The following DAAM1 variants were observed in gnomAD, a reference collection of about 807,000 sequenced individuals.
DAAM1 encodes the protein disheveled-associated activator of morphogenesis 1.
In DAAM1, 52 loss-of-function variants were observed where a neutral mutation model predicts 130.0. That is an observed-to-expected ratio of 0.40 (90% confidence interval 0.32 to 0.50). The LOEUF is 0.50. Among genes scored for constraint, DAAM1 ranks in the 20% least tolerant of loss-of-function variants. The pLI is 0.61. For synonymous variants in DAAM1, 452 were observed against 444.5 expected (o/e 1.02, Z -0.21); for missense variants, 1,134 against 1,303.8 (o/e 0.87, Z 2.01).
At chr14:59,279,665 T>G (rs1883124420) in intron 2 of DAAM1, among the ~76,000 whole-genome samples, 2 of 152,188 alleles carry the variant, frequency 1.3e-5, no homozygotes, top group South Asian at 2.1e-4. Flanking sequence ...ATACAATTTT[T>G]TTTTACCTGT....
chr14:59,245,871 T>C (rs769996791), intron 1 of DAAM1, among the ~76,000 whole-genome samples: 1 of 152,166 alleles, frequency 6.6e-6, no homozygotes, highest in African/African-American at 2.4e-5. Flanking sequence ...AAGTGGAAAA[T>C]TGCAGAAATG....
intron 23 of DAAM1, among the ~76,000 whole-genome samples, chr14:59,364,675 C>G (rs1594853847): frequency 6.6e-6 from 1 of 152,192 alleles, no homozygotes; most frequent in Admixed American, 6.5e-5. Context: ...TTATTTTTCT[C>G]TGGTCACCTG....
chr14:59,227,641 C>T (rs1439464901), intron 1 of DAAM1, among the ~76,000 whole-genome samples: 1 of 152,162 alleles, frequency 6.6e-6, no homozygotes, highest in Non-Finnish European at 1.5e-5. Context: ...CGTGCTTGTT[C>T]CACTTTTTCC....
At chr14:59,242,962 C>T (rs1232715324) in intron 1 of DAAM1, among the ~76,000 whole-genome samples, 5 of 152,194 alleles carry the variant, frequency 3.3e-5, no homozygotes, top group East Asian at 1.9e-4. Context: ...GATGAAAGAA[C>T]GAATCCTTGA....
intron 20 of DAAM1, among the ~76,000 whole-genome samples, chr14:59,357,764 C>T (rs1264510486): frequency 6.6e-6 from 1 of 150,466 alleles, no homozygotes; most frequent in African/African-American, 2.5e-5. Context: ...GGTGACAGAG[C>T]GAGACTCCAT....
intron 1 of DAAM1, among the ~76,000 whole-genome samples, chr14:59,200,978 G>A (rs1888082497): frequency 1.3e-5 from 2 of 151,908 alleles, no homozygotes; most frequent in African/African-American, 2.4e-5. Flanking sequence ...TGGCTAACAT[G>A]ATGAAATCCT....
chr14:59,234,377 T>C (rs773514646), intron 1 of DAAM1, among the ~76,000 whole-genome samples: 3 of 152,214 alleles, frequency 2.0e-5, no homozygotes, highest in Non-Finnish European at 2.9e-5. Context: ...AGGTATTTTA[T>C]TCTCTTTGTA....
chr14:59,357,651 G>T (rs1201270479), intron 20 of DAAM1, among the ~76,000 whole-genome samples: 6 of 152,124 alleles, frequency 3.9e-5, no homozygotes, highest in Admixed American at 6.5e-5. Context: ...GGTGTCATGC[G>T]CTTGTAGTCC....
intron 19 of DAAM1, 143 bp from the exon 20 acceptor site, chr14:59,355,022 G>A: frequency 8.9e-7 from 1 of 1,124,630 alleles, no homozygotes; most frequent in Non-Finnish European, 1.2e-6. Flanking sequence ...TTTTGAAAGT[G>A]CTCTTGGTAA....
chr14:59,292,424 G>A (rs1280682320), intron 3 of DAAM1, among the ~76,000 whole-genome samples: 2 of 152,110 alleles, frequency 1.3e-5, no homozygotes, highest in East Asian at 1.9e-4. Flanking sequence ...ATTGCCCTGT[G>A]CCACTCTCCT....
chr14:59,297,847 G>A (rs1376925731), intron 3 of DAAM1, among the ~76,000 whole-genome samples: 1 of 152,100 alleles, frequency 6.6e-6, no homozygotes, highest in Non-Finnish European at 1.5e-5. Flanking sequence ...CGTATATAGG[G>A]TTCAGTACTA....
chr14:59,363,339 T>TTTAACTTCTATTAA, intron 22 of DAAM1: 1 of 226,430 alleles, frequency 4.4e-6, no homozygotes, highest in South Asian at 6.6e-5. Flanking sequence ...CCATTATTTG[T>TTTAACTTCTATTAA]TTAACTTCTA....
chr14:59,290,296 G>T (rs528310239), intron 2 of DAAM1, among the ~76,000 whole-genome samples: 57 of 152,170 alleles, frequency 3.7e-4, no homozygotes, highest in East Asian at 1.9e-3. Flanking sequence ...CCACTATAAA[G>T]TTAACATTTC....
intron 3 of DAAM1, among the ~76,000 whole-genome samples, chr14:59,295,739 C>T (rs113250331): frequency 0.016 from 2,485 of 152,242 alleles, 59 homozygotes; most frequent in African/African-American, 0.055. Context: ...AAGGAGGAGA[C>T]GAGATGAGAC....
chr14:59,286,666 A>G (rs1352013345), intron 2 of DAAM1, among the ~76,000 whole-genome samples: 1 of 152,214 alleles, frequency 6.6e-6, no homozygotes. Context: ...CTCTGTGCAC[A>G]CAAACAAGGT....
chr14:59,312,990 A>G (rs564226291), intron 3 of DAAM1, among the ~76,000 whole-genome samples: 38 of 152,356 alleles, frequency 2.5e-4, no homozygotes, highest in Non-Finnish European at 5.1e-4. Flanking sequence ...TTGTCCATGA[A>G]TATTCTCTTA....
Position 59,363,767 on chromosome 14 carries a change from A to G in DAAM1, c.2811A>G (p.Ala937=). 1 of 1,614,008 alleles carries G rather than the reference A, an allele frequency of 6.2e-7. No individual in the cohort carries two copies. Among genetic ancestry groups the G allele is most frequent in the Non-Finnish European group, 8.5e-7 (1 of 1,179,960 alleles). ...FSFSDVEDLL[A]EAKDLFTKAV... The stretch of plus-strand genomic sequence containing the variant: ...TCTCTGATGTTGAAGACCTTCTAGC[A>G]GAAGCTAAAGACCTGGTAAGTTTCC... Residue 937 remains alanine, a synonymous_variant, in exon 23 of 25, where the codon GCA becomes GCG. Coordinates refer to ENST00000360909, the MANE Select transcript of DAAM1 (RefSeq NM_001270520.2).
intron 15 of DAAM1, chr14:59,338,457 G>C: frequency 6.2e-7 from 1 of 1,604,914 alleles, no homozygotes; most frequent in Non-Finnish European, 8.5e-7. Context: ...ATAACTCCTT[G>C]GCTCACTGTA....
At chr14:59,340,412 G>A (rs901504151) in intron 16 of DAAM1, among the ~76,000 whole-genome samples, 1 of 152,164 alleles carries the variant, frequency 6.6e-6, no homozygotes, top group Non-Finnish European at 1.5e-5. Context: ...TAAATGTAAA[G>A]GCAGAACACC....
Sources: allele counts gnomAD v4.1 joint callset (sites outside exome capture counted in the v4.1 genomes callset), GRCh38; gene constraint gnomAD v4.1.1; transcripts MANE v1.5; gene names NCBI Gene and HGNC (gene_info 2026-07-23, HGNC 2026-07-21).